PMF1: variants seen among roughly 807,000 people sequenced by gnomAD.
PMF1 encodes the protein polyamine-modulated factor 1.
A neutral mutation model predicts 26.7 loss-of-function variants in PMF1; 21 were observed. The observed-to-expected ratio is 0.79, with a 90% confidence interval of 0.56 to 1.13. PMF1 has a LOEUF of 1.13. Among genes scored for constraint, PMF1 ranks in the 50% most tolerant of loss-of-function variants. The probability of loss-of-function intolerance (pLI) is 0.00; values close to 1 mark genes in which losing one functional copy is unlikely to be tolerated. For missense variants in PMF1, 266 were observed against 254.9 expected (o/e 1.04, Z -0.30); for synonymous variants, 105 against 101.0 (o/e 1.04, Z -0.24).
In PMF1 at chr1:156,239,622, G is replaced by A; in HGVS notation, c.*21G>A. ...AGTGAGGAGACCGCCAGCCCCAGAA[G>A]CAGAGGGCAGTCAAGGTCAAGAGCC... On this transcript the variant is annotated 3_prime_UTR_variant, in exon 5 of 5. Coordinates refer to ENST00000368277, the MANE Select transcript of PMF1 (RefSeq NM_007221.4). 6.2e-7 allele frequency: 1 copy of A among 1,607,326 alleles called. No homozygotes were observed. The highest frequency in any genetic ancestry group is 8.5e-7 in the Non-Finnish European group (1 of 1,175,638).
chr1:156,220,209 CT>C (rs1296212521), intron 1 of PMF1, among the ~76,000 whole-genome samples: 1 of 152,048 alleles, frequency 6.6e-6, no homozygotes, highest in Non-Finnish European at 1.5e-5. Flanking sequence ...TGTGATCCAT[CT>C]GCCTCGGCCT....
At position 156,213,068 on chromosome 1, in the gene PMF1, A is replaced by G. The variant is rs1256304903; in HGVS notation, c.53A>G (p.His18Arg). ...NLGSGCEEKR[H>R]EGSSSESVPP... ...GGCAGCGGCTGTGAGGAAAAAAGGCATGAGGGGTCGTCTTCGGAATCTGTG... is the reference window on the plus strand; with the variant it reads ...GGCAGCGGCTGTGAGGAAAAAAGGCGTGAGGGGTCGTCTTCGGAATCTGTG... The change falls in exon 1 of 5, where the codon CAT becomes CGT. Residue 18 changes from histidine (H) to arginine (R), a missense_variant. His to Arg is a conservative substitution (Grantham distance 29). Transcript: ENST00000368277. The G allele has an allele frequency of 6.2e-7, 1 of 1,614,106 alleles. No homozygotes were observed. Among genetic ancestry groups the G allele is most frequent in the Non-Finnish European group, 8.5e-7 (1 of 1,180,028 alleles).
chr1:156,237,734 A>G (rs1412073540), intron 4 of PMF1, among the ~76,000 whole-genome samples: 1 of 150,628 alleles, frequency 6.6e-6, no homozygotes, highest in African/African-American at 2.5e-5. Context: ...GACTTGAGCC[A>G]CCACACCTGG....
intron 4 of PMF1, among the ~76,000 whole-genome samples, chr1:156,237,509 C>A (rs1328503736): frequency 7.1e-6 from 1 of 141,492 alleles, no homozygotes; most frequent in Non-Finnish European, 1.5e-5. Context: ...TGCAGTGGCA[C>A]GATCTCAGCT....
chr1:156,238,786 G>T (rs144184804), intron 4 of PMF1, among the ~76,000 whole-genome samples: 1 of 152,242 alleles, frequency 6.6e-6, no homozygotes, highest in South Asian at 2.1e-4. Context: ...GCCGGCAGCC[G>T]CTCTGCTCCC....
At position 156,237,710 on chromosome 1, in the gene PMF1, G is replaced by A. The variant is rs2842874; in HGVS notation, c.564+1227G>A. On this transcript the variant is annotated intron_variant, in intron 4 of 4. Transcript: ENST00000368277. ...AATTCACCCACCTCAGCCTCACAAC[G>A]TGCTGGGATTACAGACTTGAGCCAC... Among the ~76,000 whole-genome samples the A allele has an allele frequency of 1.2e-3, 176 of 151,506 alleles. 1 individual carries two copies. Among genetic ancestry groups the A allele is most frequent in the African/African-American group, 3.6e-3 (148 of 41,174 alleles).
chr1:156,225,448 C>T, intron 1 of PMF1: 1 of 649,024 alleles, frequency 1.5e-6, no homozygotes, highest in Non-Finnish European at 2.9e-6. Context: ...TCCCTCACCC[C>T]CCTCCCACCC....
At chr1:156,225,410 T>C in intron 1 of PMF1, 1 of 526,058 alleles carries the variant, frequency 1.9e-6, no homozygotes, top group Non-Finnish European at 3.5e-6. Context: ...CCGAGCAGTG[T>C]ACACTATACC....
intron 1 of PMF1, among the ~76,000 whole-genome samples, chr1:156,226,212 C>T (rs1032952250): frequency 3.3e-5 from 5 of 152,240 alleles, no homozygotes; most frequent in African/African-American, 1.2e-4. Context: ...CACTATGTTG[C>T]CCAGGCTGAT....
intron 1 of PMF1, among the ~76,000 whole-genome samples, chr1:156,219,150 C>T (rs933014835): frequency 3.3e-5 from 5 of 151,802 alleles, no homozygotes; most frequent in African/African-American, 1.2e-4. Context: ...AACTCCTGAC[C>T]TCAGGTGATT....
intron 2 of PMF1, among the ~76,000 whole-genome samples, chr1:156,233,211 T>C (rs1245205500): frequency 1.3e-5 from 2 of 152,290 alleles, no homozygotes; most frequent in African/African-American, 2.4e-5. Context: ...TATAGTGCAG[T>C]GGCGCAATCT....
At chr1:156,233,858 C>T in intron 3 of PMF1, 130 bp downstream of exon 3, 1 of 805,956 alleles carries the variant, frequency 1.2e-6, no homozygotes, top group Non-Finnish European at 1.9e-6. Context: ...TTAAGCTGTC[C>T]TCCCACCTTG....
rs376737228 is a variant in PMF1 at position 156,213,227 on chromosome 1, A to G, written c.161+51A>G. On this transcript the variant is annotated intron_variant, in intron 1 of 4. Coordinates refer to ENST00000368277, the MANE Select transcript of PMF1 (RefSeq NM_007221.4). Reference sequence around the variant, plus strand: ...AGTGTTTGTTGGCACCGAAGCTCAAATCCCGCGAGGTCAGGACGGCCGCAG... The same window carrying G: ...AGTGTTTGTTGGCACCGAAGCTCAAGTCCCGCGAGGTCAGGACGGCCGCAG... 36 of 1,597,392 alleles carry G rather than the reference A, an allele frequency of 2.3e-5. No individual in the cohort carries two copies. In the African/African-American group the frequency reaches 4.3e-4, roughly 19 times the overall value.
intron 1 of PMF1, among the ~76,000 whole-genome samples, chr1:156,214,582 G>C (rs1346892332): frequency 2.0e-5 from 3 of 152,080 alleles, no homozygotes; most frequent in Non-Finnish European, 4.4e-5. Context: ...TGGTAAGATA[G>C]TAAGGCCATT....
chr1:156,225,683 C>CT, intron 1 of PMF1: 2 of 1,424,830 alleles, frequency 1.4e-6, no homozygotes, highest in Non-Finnish European at 1.9e-6. Context: ...GTCCTGGCTC[C>CT]TTTTTTGGCT....
rs551663753 is a variant in PMF1, at chr1:156,238,890, C to G, written c.565-658C>G. On this transcript the variant is annotated intron_variant, in intron 4 of 4. Transcript: ENST00000368277. Reference sequence around the variant, plus strand: ...AAGTGGTGGTGACAAAGGCCCCCCCCCCAAGCCTGGTGCCATCTTGCAGGG... The same window carrying G: ...AAGTGGTGGTGACAAAGGCCCCCCCGCCAAGCCTGGTGCCATCTTGCAGGG... Among the ~76,000 whole-genome samples, 271 of 152,050 alleles carry G rather than the reference C, an allele frequency of 1.8e-3. 1 individual carries two copies. Among genetic ancestry groups the G allele is most frequent in the Admixed American group, 2.7e-3 (41 of 15,258 alleles).
rs2103131417 is a variant in PMF1 at position 156,236,467 on chromosome 1, A to G, written c.548A>G (p.Gln183Arg). The G allele has an allele frequency of 6.2e-7, 1 of 1,612,306 alleles. No individual in the cohort carries two copies. The highest frequency in any genetic ancestry group is 8.5e-7 in the Non-Finnish European group (1 of 1,179,060). ...VEELQLQVQA[Q>R]QQAWQALHRE... Reference sequence around the variant, plus strand: ...GAGCTGCAGCTACAGGTCCAGGCCCAGCAGCAGGCCTGGCAGGTCAGTGTC... The same window carrying G: ...GAGCTGCAGCTACAGGTCCAGGCCCGGCAGCAGGCCTGGCAGGTCAGTGTC... The change falls in exon 4 of 5, where the codon CAG becomes CGG. Residue 183 changes from glutamine to arginine, a missense_variant. Coordinates refer to ENST00000368277, the MANE Select transcript of PMF1 (RefSeq NM_007221.4).
intron 1 of PMF1, among the ~76,000 whole-genome samples, chr1:156,221,272 C>T (rs1442522587): frequency 6.6e-6 from 1 of 152,228 alleles, no homozygotes; most frequent in South Asian, 2.1e-4. Flanking sequence ...CTCACTCATA[C>T]TGACCTCCTC....
At chr1:156,214,884 A>AT (rs1307641968) in intron 1 of PMF1, among the ~76,000 whole-genome samples, 307 of 138,186 alleles carry the variant, frequency 2.2e-3, no homozygotes, top group Non-Finnish European at 2.7e-3. Context: ...TATTATTATT[A>AT]TTTTTTTTTT....
Sources: allele counts gnomAD v4.1 joint callset (sites outside exome capture counted in the v4.1 genomes callset), GRCh38; gene constraint gnomAD v4.1.1; transcripts MANE v1.5; gene names NCBI Gene and HGNC (gene_info 2026-07-23, HGNC 2026-07-21).